ATF6: variants seen among roughly 807,000 people sequenced by gnomAD.
The protein encoded by ATF6 is cyclic AMP-dependent transcription factor ATF-6 alpha.
In ATF6, 53 loss-of-function variants were observed where a neutral mutation model predicts 83.6. The ratio of observed to expected loss-of-function variants is 0.63; its 90% confidence interval spans 0.51 to 0.80. ATF6 has a LOEUF of 0.80. Among genes scored for constraint, ATF6 ranks in the 30% least tolerant of loss-of-function variants. The pLI, the probability that ATF6 is intolerant of heterozygous loss-of-function variation, is 0.00. For synonymous variants in ATF6, 288 were observed against 285.8 expected, an observed-to-expected ratio of 1.01 and a Z score of -0.08; for missense variants, 744 against 797.9, an observed-to-expected ratio of 0.93 and a Z score of 0.81.
intron 9 of ATF6, among the ~76,000 whole-genome samples, chr1:161,842,327 T>A (rs777851548): frequency 6.6e-6 from 1 of 152,148 alleles, no homozygotes; most frequent in Non-Finnish European, 1.5e-5. Context: ...GAACTAAAAG[T>A]AGAACTACCA....
intron 15 of ATF6, among the ~76,000 whole-genome samples, chr1:161,958,176 C>A (rs1689005947): frequency 6.6e-6 from 1 of 152,130 alleles, no homozygotes; most frequent in Non-Finnish European, 1.5e-5. Flanking sequence ...TGGACAGATG[C>A]TCTGTGGCAT....
intron 1 of ATF6, among the ~76,000 whole-genome samples, chr1:161,773,140 A>ATTTTTTTTTTTTTTTTT (rs759769528): frequency 3.1e-5 from 4 of 130,072 alleles, no homozygotes; most frequent in African/African-American, 8.7e-5. Flanking sequence ...TACTTTTTGT[A>ATTTTTTTTTTTTTTTTT]TTTTTTTTTT....
At chr1:161,788,573 T>C (rs1348509758) in intron 4 of ATF6, among the ~76,000 whole-genome samples, 1 of 151,258 alleles carries the variant, frequency 6.6e-6, no homozygotes, top group Non-Finnish European at 1.5e-5. Context: ...CAGGCTTATC[T>C]TTTTTTTTCT....
intron 1 of ATF6, among the ~76,000 whole-genome samples, chr1:161,778,000 A>G (rs557772497): frequency 2.0e-5 from 3 of 152,368 alleles, no homozygotes; most frequent in South Asian, 2.1e-4. Flanking sequence ...CTTACATGAC[A>G]TATGACATAA....
rs1054646089 is a variant in ATF6, at chr1:161,865,305, G to A, written c.1719+1993G>A. On this transcript the variant is annotated intron_variant, in intron 14 of 15. Transcript: ENST00000367942. ...CTCCTGAATAGCTGGGACTATAGCC[G>A]CATGCCACCATGCCTGGCTAATTTT... 5.3e-5 allele frequency among the ~76,000 whole-genome samples: 8 copies of A among 151,866 alleles called. 1 individual carries two copies. Among genetic ancestry groups the A allele is most frequent in the East Asian group, 1.9e-4 (1 of 5,178 alleles).
At chr1:161,887,365 C>A (rs1687447534) in intron 14 of ATF6, among the ~76,000 whole-genome samples, 1 of 152,104 alleles carries the variant, frequency 6.6e-6, no homozygotes. Flanking sequence ...CAGGCTTGAG[C>A]CACTGCACTC....
intron 14 of ATF6, among the ~76,000 whole-genome samples, chr1:161,911,896 C>T (rs965967866): frequency 1.3e-5 from 2 of 152,182 alleles, no homozygotes; most frequent in Non-Finnish European, 2.9e-5. Context: ...AGTCTAGCCC[C>T]CATCATTTTA....
At chr1:161,955,861 CAGA>C (rs779310250) in intron 15 of ATF6, among the ~76,000 whole-genome samples, 2 of 152,276 alleles carry the variant, frequency 1.3e-5, no homozygotes, top group Middle Eastern at 3.4e-3. Context: ...TTGTTACCTT[CAGA>C]AGAAGAGTGT....
At chr1:161,795,024 C>A (rs1306207117) in intron 6 of ATF6, among the ~76,000 whole-genome samples, 3 of 151,980 alleles carry the variant, frequency 2.0e-5, no homozygotes, top group African/African-American at 7.3e-5. Context: ...AAATGGGAGA[C>A]AGAGGTAAAA....
intron 4 of ATF6, among the ~76,000 whole-genome samples, chr1:161,790,016 T>A (rs1232141138): frequency 1.3e-5 from 2 of 152,170 alleles, no homozygotes; most frequent in Non-Finnish European, 2.9e-5. Flanking sequence ...AATTTTTTTT[T>A]ATGATAAAAA....
intron 14 of ATF6, among the ~76,000 whole-genome samples, chr1:161,909,864 G>A (rs1571230377): frequency 6.6e-6 from 1 of 152,346 alleles, no homozygotes; most frequent in East Asian, 1.9e-4. Flanking sequence ...GCTGAGGCAG[G>A]AGAATGGCAT....
intron 14 of ATF6, among the ~76,000 whole-genome samples, chr1:161,865,310 C>T (rs1195242868): frequency 1.3e-5 from 2 of 152,050 alleles, no homozygotes; most frequent in Non-Finnish European, 2.9e-5. Context: ...TAGCCGCATG[C>T]CACCATGCCT....
chr1:161,922,290 C>G (rs531025889), intron 15 of ATF6, among the ~76,000 whole-genome samples: 25 of 152,260 alleles, frequency 1.6e-4, no homozygotes, highest in African/African-American at 5.5e-4. Flanking sequence ...GACAGTCTGT[C>G]CCCACATTAC....
chr1:161,766,412 G>C lies in ATF6; in HGVS notation c.52G>C (p.Gly18Arg). Residue 18 changes from glycine (G) to arginine (R), a missense_variant, in exon 1 of 16, where the codon GGA (glycine) becomes CGA (arginine). Physicochemically the swap from Gly to Arg is moderately radical, Grantham distance 125. Coordinates refer to ENST00000367942, the MANE Select transcript of ATF6 (RefSeq NM_007348.4). ...CACCATGGAGTCACCTTTTAGCCCG[G>C]GACTCTTTCACAGGCTGGATGAAGA... ...AGTMESPFSP[G>R]LFHRLDEDWD... The C allele has an allele frequency of 6.2e-7, 1 of 1,613,452 alleles. No homozygotes were observed. The highest frequency in any genetic ancestry group is 8.5e-7 in the Non-Finnish European group (1 of 1,179,700).
intron 9 of ATF6, among the ~76,000 whole-genome samples, chr1:161,830,285 A>G (rs185696861): frequency 2.1e-4 from 32 of 152,336 alleles, no homozygotes; most frequent in African/African-American, 5.3e-4. Flanking sequence ...CCACTGCTCA[A>G]TGAAATAAAA....
At chr1:161,856,585 A>G (rs1686767953) in intron 12 of ATF6, among the ~76,000 whole-genome samples, 1 of 152,230 alleles carries the variant, frequency 6.6e-6, no homozygotes, top group Non-Finnish European at 1.5e-5. Flanking sequence ...TGAGCGATAT[A>G]GGTTTCAGGC....
chr1:161,817,960 G>C (rs1685652548), intron 7 of ATF6, among the ~76,000 whole-genome samples: 1 of 151,950 alleles, frequency 6.6e-6, no homozygotes, highest in Admixed American at 6.6e-5. Context: ...AATTAGCCAG[G>C]CGTGGTGGTG....
chr1:161,927,216 G>A (rs10800109), intron 15 of ATF6, among the ~76,000 whole-genome samples: 97,841 of 151,978 alleles, frequency 0.64, 33,330 homozygotes, highest in Non-Finnish European at 0.77. Context: ...GGCTGATCCA[G>A]CCCAGCTACT....
intron 6 of ATF6, among the ~76,000 whole-genome samples, chr1:161,794,935 G>A (rs1297061192): frequency 4.6e-5 from 7 of 152,220 alleles, no homozygotes; most frequent in African/African-American, 7.2e-5. Context: ...GAGGCTGAAC[G>A]ATAGAGAGGA....
Sources: gnomAD v4.1 joint callset for allele counts (sites outside exome capture counted in the v4.1 genomes callset) on GRCh38, gnomAD v4.1.1 for gene constraint, MANE v1.5 for transcripts, NCBI Gene and HGNC (gene_info 2026-07-23, HGNC 2026-07-21) for gene names.